Variants in USP24 observed in about 807,000 individuals in gnomAD.
USP24 encodes ubiquitin specific peptidase 24, also known as ubiquitin carboxyl-terminal hydrolase 24.
Under a neutral mutation model 361.6 loss-of-function variants are expected in USP24, and 97 were observed. The ratio of observed to expected loss-of-function variants is 0.27; its 90% CI spans 0.23 to 0.32. The LOEUF (loss-of-function observed/expected upper bound fraction) is 0.32, where lower values mean the gene tolerates loss of function less well. Among genes scored for constraint, USP24 ranks in the 10% least tolerant of loss-of-function variants. The pLI, the probability that USP24 is intolerant of heterozygous loss-of-function variation, is 1.00. For missense variants in USP24, 2,353 were observed against 3,165.6 expected, an observed-to-expected ratio of 0.74 and a Z score of 6.16; for synonymous variants, 1,098 against 1,124.6, an observed-to-expected ratio of 0.98 and a Z score of 0.47.
At chr1:55,081,259 T>C (rs938359249) in intron 59 of USP24, 63 bp downstream of exon 59, 18 of 1,471,788 alleles carry the variant, frequency 1.2e-5, no homozygotes, top group Non-Finnish European at 1.5e-5. Context: ...TACTTGCTAA[T>C]ATAATTACTC....
intron 55 of USP24, among the ~76,000 whole-genome samples, chr1:55,086,824 G>A (rs992694503): frequency 1.3e-5 from 2 of 152,220 alleles, no homozygotes; most frequent in Non-Finnish European, 2.9e-5. Context: ...AGATAGCTAA[G>A]GCAAGACAGG....
At chr1:55,126,011 T>A (rs948144657) in intron 32 of USP24, among the ~76,000 whole-genome samples, 1 of 152,204 alleles carries the variant, frequency 6.6e-6, no homozygotes, top group Admixed American at 6.5e-5. Context: ...GGGTGATCCT[T>A]AGAAAATTTA....
chr1:55,158,777 AATT>A, intron 10 of USP24, 98 bp downstream of exon 10: 1 of 1,021,740 alleles, frequency 9.8e-7, no homozygotes, highest in Non-Finnish European at 1.3e-6. Context: ...GATTACAATA[AATT>A]ATTCATATTT....
chr1:55,066,918 C>A lies in USP24; in HGVS notation c.*2127G>T, dbSNP rs771502308. The A allele has an allele frequency of 6.6e-6, 1 of 152,068 alleles. No individual in the cohort carries two copies. Among genetic ancestry groups the A allele is most frequent in the Admixed American group, 6.5e-5 (1 of 15,268 alleles). The allele number at this position is 152,068 out of a possible 1,614,324, so 9.4% of individuals were successfully genotyped here. A position where few individuals can be genotyped will look rare whatever the true frequency, so the allele number is the denominator to read the frequency against. ...GCCTGTCATAACTGTCACTGTTGTA[C>A]TACATTAAAAAAAGTCATCAGCAGG... is the stretch of plus-strand genomic sequence containing the variant. On this transcript the variant is annotated 3_prime_UTR_variant, in exon 68 of 68. Transcript: ENST00000294383.
At chr1:55,077,689 A>G (rs1288844989) in intron 61 of USP24, among the ~76,000 whole-genome samples, 3 of 152,238 alleles carry the variant, frequency 2.0e-5, no homozygotes, top group African/African-American at 2.4e-5. Flanking sequence ...AAAGTACATA[A>G]AAAGTCAGCT....
chr1:55,137,864 A>G lies in USP24; in HGVS notation c.2969T>C (p.Ile990Thr). The change falls in exon 27 of 68, where the codon ATA becomes ACA. Residue 990 changes from isoleucine to threonine, a missense_variant. Around this residue, in one of 8 missense-constraint regions of USP24, gnomAD observed 949 missense variants for 1,280.5 expected, o/e 0.74. Transcript: ENST00000294383. Reference sequence around the variant, plus strand: ...CACAGGAGAGCACAACTGCTTGGCTATTTTCCACCGGACACTCCCTATGGT... The same window carrying G: ...CACAGGAGAGCACAACTGCTTGGCTGTTTTCCACCGGACACTCCCTATGGT... ...NETIGSVRWK[I>T]AKQLCSPVDN... 1 of 1,596,972 alleles carries G rather than the reference A, an allele frequency of 6.3e-7. No homozygotes were observed.
At chr1:55,120,821 T>C in intron 37 of USP24, 65 bp from the exon 38 acceptor site, 3 of 1,433,060 alleles carry the variant, frequency 2.1e-6, no homozygotes, top group South Asian at 3.1e-5. Flanking sequence ...GCTTAAAAAG[T>C]GATTTTCTTC....
chr1:55,110,170 T>C lies in USP24; in HGVS notation c.4570+15A>G. 1 of 1,544,076 alleles carries C rather than the reference T, an allele frequency of 6.5e-7. No individual in the cohort carries two copies. The highest frequency in any genetic ancestry group is 2.0e-5 in the Admixed American group (1 of 49,584). On this transcript the variant is annotated intron_variant, in intron 39 of 67. Transcript: ENST00000294383. ...TCCCCAGCCCCTCTCCCCTACATAT[T>C]AGTCATTTACTTACTTGTCAGATCA...
rs535898920 is a variant in USP24 at position 55,147,365 on chromosome 1, T to A, written c.2118+284A>T. 1.2e-3 allele frequency among the ~76,000 whole-genome samples: 180 copies of A among 152,128 alleles called. 1 individual carries two copies. The highest frequency in any genetic ancestry group is 4.1e-3 in the African/African-American group (171 of 41,512). On this transcript the variant is annotated intron_variant, in intron 18 of 67. Coordinates refer to ENST00000294383, the MANE Select transcript of USP24 (RefSeq NM_015306.3). ...AGTTAAGATTTTTTTCCTAATTTTT[T>A]AAAAAACAATAATGTTACTAATCAA...
chr1:55,174,998 G>A (rs2100813040), intron 3 of USP24, among the ~76,000 whole-genome samples: 1 of 152,058 alleles, frequency 6.6e-6, no homozygotes, highest in South Asian at 2.1e-4. Flanking sequence ...ACAAACTGAT[G>A]GATGAGCTAA....
At chr1:55,149,450 C>T (rs540962350) in intron 16 of USP24, among the ~76,000 whole-genome samples, 7 of 152,000 alleles carry the variant, frequency 4.6e-5, no homozygotes, top group Non-Finnish European at 5.9e-5. Context: ...AGATGAAGAC[C>T]CTTGTGGAGG....
intron 1 of USP24, 87 bp downstream of exon 1, chr1:55,214,703 C>T: frequency 9.4e-7 from 1 of 1,064,706 alleles, no homozygotes; most frequent in Non-Finnish European, 1.2e-6. Flanking sequence ...GCCCTCTCTC[C>T]CCACACCAAG....
rs915639062 is a variant in USP24, at chr1:55,159,013, G to T, written c.1092C>A (p.Leu364=). The change falls in exon 10 of 68, where the codon CTC becomes CTA. Residue 364 remains leucine (L), a synonymous_variant. Transcript: ENST00000294383. ...KDKRLVSIPE[L]LSAVKLLCMR... ...TGCAAAGTAACTTAACGGCAGACAA[G>T]AGCTCAGGGATGCTAACCAATCTCT... 7 of 1,556,998 alleles carry T rather than the reference G, an allele frequency of 4.5e-6. No individual in the cohort carries two copies. The highest frequency in any genetic ancestry group is 6.1e-6 in the Non-Finnish European group (7 of 1,150,990).
chr1:55,115,709 C>T (rs1181359383), intron 38 of USP24, among the ~76,000 whole-genome samples: 2 of 152,112 alleles, frequency 1.3e-5, no homozygotes, highest in African/African-American at 4.8e-5. Flanking sequence ...TATAAAGACA[C>T]ATGCATGGGT....
At chr1:55,161,696 T>C (rs1648302511) in intron 8 of USP24, among the ~76,000 whole-genome samples, 1 of 152,156 alleles carries the variant, frequency 6.6e-6, no homozygotes, top group African/African-American at 2.4e-5. Flanking sequence ...GCTTTTAGCA[T>C]TAGAAAACTG....
At chr1:55,145,715 T>C (rs1027303362) in intron 20 of USP24, among the ~76,000 whole-genome samples, 2 of 152,164 alleles carry the variant, frequency 1.3e-5, no homozygotes, top group African/African-American at 4.8e-5. Context: ...TTCTATACCT[T>C]GATACATTTT....
At chr1:55,180,675 T>C (rs116331664) in intron 1 of USP24, among the ~76,000 whole-genome samples, 2,545 of 152,322 alleles carry the variant, frequency 0.017, 64 homozygotes, top group African/African-American at 0.059. Context: ...TCTTTAATTC[T>C]TTCAGGGAAG....
intron 59 of USP24, among the ~76,000 whole-genome samples, chr1:55,080,832 T>G (rs746020292): frequency 1.3e-5 from 2 of 152,250 alleles, no homozygotes; most frequent in Non-Finnish European, 2.9e-5. Flanking sequence ...GTATCTTACA[T>G]TCAAATATAT....
intron 3 of USP24, 95 bp from the exon 4 acceptor site, chr1:55,172,615 G>T (rs1035063442): frequency 4.5e-6 from 6 of 1,332,136 alleles, no homozygotes; most frequent in African/African-American, 1.5e-5. Flanking sequence ...GAGAGATTAT[G>T]ATGAAAATAC....
Sources: gnomAD v4.1 joint callset for allele counts (sites outside exome capture counted in the v4.1 genomes callset) on GRCh38, gnomAD v4.1.1 for gene constraint, gnomAD v4.1.1 regional missense constraint, MANE v1.5 for transcripts, NCBI Gene and HGNC (gene_info 2026-07-23, HGNC 2026-07-21) for gene names.